GDF11: variants seen among roughly 807,000 people sequenced by gnomAD.
The protein encoded by GDF11 is growth/differentiation factor 11.
A neutral mutation model predicts 34.4 loss-of-function variants in GDF11; 12 were observed. The observed-to-expected ratio is 0.35, with a 90% CI of 0.22 to 0.57. The LOEUF (loss-of-function observed/expected upper bound fraction) is 0.57. GDF11 is among the 20% of genes least tolerant of loss of function. The probability of loss-of-function intolerance (pLI) is 0.86; values close to 1 mark genes in which losing one functional copy is unlikely to be tolerated. For synonymous variants in GDF11, 212 were observed against 231.1 expected (o/e 0.92, Z 0.75); for missense variants, 346 against 548.2 (o/e 0.63, Z 3.68).
chr12:55,747,090 C>T (rs1363394219), intron 1 of GDF11, among the ~76,000 whole-genome samples: 1 of 152,166 alleles, frequency 6.6e-6, no homozygotes, highest in Non-Finnish European at 1.5e-5. Flanking sequence ...ATAGACAATT[C>T]TTATGCTGAA....
chr12:55,743,396 G>C lies in GDF11; in HGVS notation c.80G>C (p.Gly27Ala), dbSNP rs1777656081. 1 of 991,618 alleles carries C rather than the reference G, an allele frequency of 1.0e-6. No individual in the cohort carries two copies. Among genetic ancestry groups the C allele is most frequent in the Non-Finnish European group, 1.2e-6 (1 of 836,614 alleles). 61.4% of individuals were successfully genotyped at this position (991,618 alleles called of 1,614,324 possible). ...ELRPRGEAAE[G>A]PAAAAAAAAA... is the part of the protein sequence containing the mutation. Reference sequence around the variant, plus strand: ...CGGCCCCGGGGGGAGGCGGCCGAGGGCCCCGCGGCGGCGGCGGCGGCGGCG... The same window carrying C: ...CGGCCCCGGGGGGAGGCGGCCGAGGCCCCCGCGGCGGCGGCGGCGGCGGCG... The change falls in exon 1 of 3, where the codon GGC becomes GCC. Residue 27 changes from glycine (G) to alanine (A), a missense_variant. Around this residue, in one of 3 missense-constraint regions of GDF11, gnomAD observed 141 missense variants for 213.8 expected, o/e 0.66. Coordinates refer to ENST00000257868, the MANE Select transcript of GDF11 (RefSeq NM_005811.5).
rs1415544955 is a variant in GDF11, at chr12:55,743,125, C to T, written c.-192C>T. Among the ~76,000 whole-genome samples, 1 of 144,984 alleles carries T rather than the reference C, an allele frequency of 6.9e-6. No individual in the cohort carries two copies. Among genetic ancestry groups the T allele is most frequent in the African/African-American group, 2.5e-5 (1 of 40,452 alleles). On this transcript the variant is annotated 5_prime_UTR_variant, in exon 1 of 3. Coordinates refer to ENST00000257868, the MANE Select transcript of GDF11 (RefSeq NM_005811.5). ...TGGCCCGGGCTCGGGCCCCCCCAGC[C>T]GCCCGCCCCGGCCGCCCGCCCGCCC...
At chr12:55,743,849 G>T in intron 1 of GDF11, 88 bp downstream of exon 1, 1 of 1,082,884 alleles carries the variant, frequency 9.2e-7, no homozygotes. Context: ...GCTCCCTGCT[G>T]CCCCGGCCCG....
Position 55,756,993 on chromosome 12 carries a change from C to CTT in GDF11, c.*7111_*7112insTT, listed in dbSNP as rs1878525219. On this transcript the variant is annotated 3_prime_UTR_variant, in exon 3 of 3. Transcript: ENST00000257868. Reference sequence around the variant, plus strand: ...ATCCTTTGCAACACCTAAAACCTCCCATGTTCTGTTTTATTTCAGTGGGTC... The same window carrying CTT: ...ATCCTTTGCAACACCTAAAACCTCCCTTATGTTCTGTTTTATTTCAGTGGGTC... 1 of 152,244 alleles carries CTT rather than the reference C, an allele frequency of 6.6e-6. No individual in the cohort carries two copies. The highest frequency in any genetic ancestry group is 2.4e-5 in the African/African-American group (1 of 41,456). 9.4% of individuals were successfully genotyped at this position (152,244 alleles called of 1,614,324 possible).
Position 55,756,771 on chromosome 12 carries a change from A to G in GDF11, c.*6889A>G, listed in dbSNP as rs1042174437. ...TGTCATGCTTTGATTCTGCATACAAAATTTCTTCTGTCTCTGAGGGATATC... is the reference window on the plus strand; with the variant it reads ...TGTCATGCTTTGATTCTGCATACAAGATTTCTTCTGTCTCTGAGGGATATC... On this transcript the variant is annotated 3_prime_UTR_variant, in exon 3 of 3. Coordinates refer to ENST00000257868, the MANE Select transcript of GDF11 (RefSeq NM_005811.5). 6.6e-6 allele frequency: 1 copy of G among 152,096 alleles called. No individual in the cohort carries two copies. The highest frequency in any genetic ancestry group is 6.6e-5 in the Admixed American group (1 of 15,266). The allele number at this position is 152,096 out of a possible 1,614,324, so 9.4% of individuals were successfully genotyped here.
Position 55,749,021 on chromosome 12 carries a change from T to C in GDF11, c.843+38T>C. 6.4e-6 allele frequency: 10 copies of C among 1,554,730 alleles called. No homozygotes were observed. The highest frequency in any genetic ancestry group is 8.7e-6 in the Non-Finnish European group (10 of 1,155,662). ...CCTGAGGTGGTGGATATGTGTAACC[T>C]GGCCCTGAGGAGATAGGGTTACATT... On this transcript the variant is annotated intron_variant, in intron 2 of 2. Coordinates refer to ENST00000257868, the MANE Select transcript of GDF11 (RefSeq NM_005811.5). This position sits in a 1 kb window ranked among gnomAD's most constrained non-coding sequence, Gnocchi z 5.6.
In GDF11 at chr12:55,749,634, G is replaced by T; in HGVS notation, c.976G>T (p.Gly326Cys). ...CCTCACAGTGGACTTTGAGGCTTTC[G>T]GCTGGGACTGGATCATCGCACCTAA... ...YPLTVDFEAF[G>C]WDWIIAPKRY... Residue 326 changes from glycine (G) to cysteine (C), a missense_variant, in exon 3 of 3, where the codon GGC becomes TGC. This residue lies in a region of GDF11 where 205 missense variants were observed against 311.3 expected (regional missense o/e 0.66). Transcript: ENST00000257868. This position sits in a 1 kb window ranked among gnomAD's most constrained non-coding sequence, Gnocchi z 5.6. The T allele has an allele frequency of 6.2e-7, 1 of 1,614,106 alleles. No homozygotes were observed. The highest frequency in any genetic ancestry group is 8.5e-7 in the Non-Finnish European group (1 of 1,180,030).
At chr12:55,746,435 C>T (rs752357948) in intron 1 of GDF11, among the ~76,000 whole-genome samples, 10 of 152,358 alleles carry the variant, frequency 6.6e-5, no homozygotes, top group African/African-American at 9.6e-5. Context: ...CCTATATCTA[C>T]TAATATGCCT....
chr12:55,756,056 T>A lies in GDF11; in HGVS notation c.*6174T>A, dbSNP rs569832643. On this transcript the variant is annotated 3_prime_UTR_variant, in exon 3 of 3. Coordinates refer to ENST00000257868, the MANE Select transcript of GDF11 (RefSeq NM_005811.5). ...CAGGAAGAAACCATTAGTGAATCTA[T>A]AATCTCTCAAGTTACAAATCAGATC... 1 of 152,238 alleles carries A rather than the reference T, an allele frequency of 6.6e-6. No individual in the cohort carries two copies. Among genetic ancestry groups the A allele is most frequent in the Admixed American group, 6.5e-5 (1 of 15,280 alleles). The allele number at this position is 152,238 out of a possible 1,614,324, so 9.4% of individuals were successfully genotyped here. A position where few individuals can be genotyped will look rare whatever the true frequency, so the allele number is the denominator to read the frequency against.
chr12:55,749,561 T>C lies in GDF11; in HGVS notation c.903T>C (p.Gly301=). The C allele has an allele frequency of 6.2e-7, 1 of 1,613,890 alleles. No homozygotes were observed. Among genetic ancestry groups the C allele is most frequent in the Non-Finnish European group, 8.5e-7 (1 of 1,179,880 alleles). ...CAAAACGTTCCCGGCGGAACCTGGGTCTGGACTGCGACGAGCACTCAAGCG... is the reference window on the plus strand; with the variant it reads ...CAAAACGTTCCCGGCGGAACCTGGGCCTGGACTGCGACGAGCACTCAAGCG... ...ENTKRSRRNL[G]LDCDEHSSES... The change falls in exon 3 of 3, where the codon GGT becomes GGC. Residue 301 remains glycine (G), a synonymous_variant. Coordinates refer to ENST00000257868, the MANE Select transcript of GDF11 (RefSeq NM_005811.5). The surrounding 1 kb of genome is among the most constrained non-coding windows in gnomAD (Gnocchi z 5.6).
In GDF11 at chr12:55,749,350, T is replaced by C. The variant is rs1457190530; in HGVS notation, c.844-152T>C. 4.8e-6 allele frequency: 4 copies of C among 830,374 alleles called. No individual in the cohort carries two copies. Among genetic ancestry groups the C allele is most frequent in the East Asian group, 2.6e-5 (1 of 38,834 alleles). 51.4% of individuals were successfully genotyped at this position (830,374 alleles called of 1,614,324 possible). A position where few individuals can be genotyped will look rare whatever the true frequency, so the allele number is the denominator to read the frequency against. The stretch of plus-strand genomic sequence containing the variant: ...AGAGCTAGCTAGCTGGCAAGAAAAG[T>C]GGGCAAAAGATAAATTCTGGGGGTG... On this transcript the variant is annotated intron_variant, in intron 2 of 2. Coordinates refer to ENST00000257868, the MANE Select transcript of GDF11 (RefSeq NM_005811.5). The surrounding 1 kb of genome is among the most constrained non-coding windows in gnomAD (Gnocchi z 5.6).
chr12:55,744,185 C>A (rs1250196132), intron 1 of GDF11, among the ~76,000 whole-genome samples: 1 of 152,170 alleles, frequency 6.6e-6, no homozygotes, highest in Admixed American at 6.5e-5. Flanking sequence ...GTGGCCCTGG[C>A]GGTAACTCCC....
Position 55,743,584 on chromosome 12 carries a change from A to C in GDF11, c.268A>C (p.Lys90Gln). The C allele has an allele frequency of 5.6e-6, 9 of 1,604,924 alleles. No homozygotes were observed. The highest frequency in any genetic ancestry group is 7.6e-6 in the Non-Finnish European group (9 of 1,179,726). ...GCAGATCTTGAGCAAACTGCGGCTC[A>C]AGGAGGCGCCCAACATCAGCCGCGA... is the stretch of plus-strand genomic sequence containing the variant. ...KSQILSKLRL[K>Q]EAPNISREVV... Residue 90 changes from lysine to glutamine, a missense_variant, in exon 1 of 3, where the codon AAG becomes CAG. This residue lies in a region of GDF11 where 141 missense variants were observed against 213.8 expected (regional missense o/e 0.66). Coordinates refer to ENST00000257868, the MANE Select transcript of GDF11 (RefSeq NM_005811.5).
In GDF11 at chr12:55,749,743, C is replaced by T; in HGVS notation, c.1085C>T (p.Ala362Val). ...CCGCATACCCATTTGGTGCAGCAGG[C>T]CAATCCAAGAGGCTCTGCTGGGCCC... Reference protein sequence around the residue: ...KYPHTHLVQQANPRGSAGPCC... With the variant: ...KYPHTHLVQQVNPRGSAGPCC... Residue 362 changes from alanine to valine, a missense_variant, in exon 3 of 3, where the codon GCC becomes GTC. Around this residue, in one of 3 missense-constraint regions of GDF11, gnomAD observed 205 missense variants for 311.3 expected, o/e 0.66. Coordinates refer to ENST00000257868, the MANE Select transcript of GDF11 (RefSeq NM_005811.5). This position sits in a 1 kb window ranked among gnomAD's most constrained non-coding sequence, Gnocchi z 5.6. 1 of 1,614,156 alleles carries T rather than the reference C, an allele frequency of 6.2e-7. No individual in the cohort carries two copies. Among genetic ancestry groups the T allele is most frequent in the Non-Finnish European group, 8.5e-7 (1 of 1,180,034 alleles).
rs1332370477 is a variant in GDF11 at position 55,749,307 on chromosome 12, G to A, written c.844-195G>A. Among the ~76,000 whole-genome samples, 1 of 152,202 alleles carries A rather than the reference G, an allele frequency of 6.6e-6. No individual in the cohort carries two copies. Among genetic ancestry groups the A allele is most frequent in the Non-Finnish European group, 1.5e-5 (1 of 68,042 alleles). ...CAGGTTGCCAGAAGAGTAAGAATTAGAGATGGTGAGTTGAAGGAGAGCTAG... is the reference window on the plus strand; with the variant it reads ...CAGGTTGCCAGAAGAGTAAGAATTAAAGATGGTGAGTTGAAGGAGAGCTAG... On this transcript the variant is annotated intron_variant, in intron 2 of 2. Transcript: ENST00000257868. The surrounding 1 kb of genome is among the most constrained non-coding windows in gnomAD (Gnocchi z 5.6).
chr12:55,754,625 C>G lies in GDF11; in HGVS notation c.*4743C>G, dbSNP rs191572039. ...TAGGGCACTCATACCTAGCTAGAAC[C>G]TACTCAGGGAAAGAAATATGTATTT... is the stretch of plus-strand genomic sequence containing the variant. On this transcript the variant is annotated 3_prime_UTR_variant, in exon 3 of 3. Transcript: ENST00000257868. 6.6e-6 allele frequency: 1 copy of G among 152,316 alleles called. No homozygotes were observed. The highest frequency in any genetic ancestry group is 2.4e-5 in the African/African-American group (1 of 41,568). 9.4% of individuals were successfully genotyped at this position (152,316 alleles called of 1,614,324 possible).
Position 55,749,020 on chromosome 12 carries a change from C to T in GDF11, c.843+37C>T, listed in dbSNP as rs762703949. Reference sequence around the variant, plus strand: ...GCCTGAGGTGGTGGATATGTGTAACCTGGCCCTGAGGAGATAGGGTTACAT... The same window carrying T: ...GCCTGAGGTGGTGGATATGTGTAACTTGGCCCTGAGGAGATAGGGTTACAT... On this transcript the variant is annotated intron_variant, in intron 2 of 2. Transcript: ENST00000257868. The surrounding 1 kb of genome is among the most constrained non-coding windows in gnomAD (Gnocchi z 5.6). 3 of 1,557,998 alleles carry T rather than the reference C, an allele frequency of 1.9e-6. No individual in the cohort carries two copies. The highest frequency in any genetic ancestry group is 2.6e-6 in the Non-Finnish European group (3 of 1,158,192).
At position 55,748,085 on chromosome 12, in the gene GDF11, G is replaced by C. The variant is rs1296812329; in HGVS notation, c.446-501G>C. Among the ~76,000 whole-genome samples, 1 of 152,180 alleles carries C rather than the reference G, an allele frequency of 6.6e-6. No homozygotes were observed. The highest frequency in any genetic ancestry group is 1.5e-5 in the Non-Finnish European group (1 of 68,032). Reference sequence around the variant, plus strand: ...TAAATTTAGCTCATGCTCCCTATCTGGACCCTGGGTTATCCCCTCTCTGAG... The same window carrying C: ...TAAATTTAGCTCATGCTCCCTATCTCGACCCTGGGTTATCCCCTCTCTGAG... On this transcript the variant is annotated intron_variant, in intron 1 of 2. Transcript: ENST00000257868. This position sits in a 1 kb window ranked among gnomAD's most constrained non-coding sequence, Gnocchi z 5.6.
In GDF11 at chr12:55,743,444, T is replaced by C. The variant is rs753797482; in HGVS notation, c.128T>C (p.Val43Ala). 2 of 1,199,610 alleles carry C rather than the reference T, an allele frequency of 1.7e-6. No individual in the cohort carries two copies. Among genetic ancestry groups the C allele is most frequent in the Admixed American group, 4.4e-5 (1 of 22,904 alleles). 74.3% of individuals were successfully genotyped at this position (1,199,610 alleles called of 1,614,324 possible). A position where few individuals can be genotyped will look rare whatever the true frequency, so the allele number is the denominator to read the frequency against. The change falls in exon 1 of 3, where the codon GTC becomes GCC. Residue 43 changes from valine (V) to alanine (A), a missense_variant. Transcript: ENST00000257868. ...GCGGCGGCGGCGGCAGCGGCGGGGG[T>C]CGGGGGGGAGCGCTCCAGCCGGCCA... The part of the protein sequence containing the change: ...AAAAAAAAAG[V>A]GGERSSRPAP...
Sources: gnomAD v4.1 joint callset for allele counts (sites outside exome capture counted in the v4.1 genomes callset) on GRCh38, gnomAD v4.1.1 for gene constraint, gnomAD v4.1.1 regional missense constraint, Gnocchi (gnomAD v3.1) non-coding constraint, MANE v1.5 for transcripts, NCBI Gene and HGNC (gene_info 2026-07-23, HGNC 2026-07-21) for gene names.